LPA: variants seen among roughly 807,000 people sequenced by gnomAD.
The protein encoded by LPA is apolipoprotein(a).
LPA carries 199 observed loss-of-function variants against 197.9 expected under a neutral mutation model. That is an observed-to-expected ratio of 1.01 (90% CI 0.90 to 1.13). The LOEUF is 1.13. Ranked by LOEUF, LPA falls within the 50% of genes most tolerant of loss-of-function variation. The pLI is 0.00. For missense variants in LPA, 1,853 were observed against 1,785.8 expected (o/e 1.04, Z -0.68); for synonymous variants, 715 against 639.5 (o/e 1.12, Z -1.78).
intron 28 of LPA, among the ~76,000 whole-genome samples, chr6:160,567,733 T>G (rs1193741055): frequency 6.6e-6 from 1 of 151,916 alleles, no homozygotes; most frequent in Non-Finnish European, 1.5e-5. Context: ...ATCAACAAAA[T>G]TGATAGACCA....
At position 160,531,628 on chromosome 6, in the gene LPA, G is replaced by A; in HGVS notation, c.*101C>T. 1 of 1,495,190 alleles carries A rather than the reference G, an allele frequency of 6.7e-7. No homozygotes were observed. Among genetic ancestry groups the A allele is most frequent in the Non-Finnish European group, 9.3e-7 (1 of 1,074,334 alleles). 92.6% of individuals were successfully genotyped at this position (1,495,190 alleles called of 1,614,324 possible). A position where few individuals can be genotyped will look rare whatever the true frequency, so the allele number is the denominator to read the frequency against. On this transcript the variant is annotated 3_prime_UTR_variant, in exon 39 of 39. Coordinates refer to ENST00000316300, the MANE Select transcript of LPA (RefSeq NM_005577.4). ...TTGGCATAGCTGGTAGCTGGGAACA[G>A]TGTCTTCGTTTGATTGCTGTCTATT...
At chr6:160,547,761 A>G (rs1778095842) in intron 32 of LPA, 28 bp downstream of exon 32, 1 of 1,613,282 alleles carries the variant, frequency 6.2e-7, no homozygotes, top group Admixed American at 1.7e-5. Context: ...CAGCAAAGGG[A>G]AAAAGAGTCC....
intron 26 of LPA, among the ~76,000 whole-genome samples, chr6:160,579,213 A>G (rs908899189): frequency 6.6e-6 from 1 of 152,126 alleles, no homozygotes; most frequent in Non-Finnish European, 1.5e-5. Context: ...CAGCCCCCTT[A>G]CTCTATTTAC....
intron 31 of LPA, 141 bp downstream of exon 31, chr6:160,548,337 T>C (rs1562317318): frequency 1.6e-5 from 14 of 856,972 alleles, no homozygotes; most frequent in Non-Finnish European, 2.0e-5. Context: ...TCCTTGGTCA[T>C]GGCAGAACCT....
chr6:160,651,393 G>A (rs1481977421), intron 1 of LPA, among the ~76,000 whole-genome samples: 5 of 152,146 alleles, frequency 3.3e-5, no homozygotes, highest in Admixed American at 3.3e-4. Flanking sequence ...CCACACCCCA[G>A]GCCCCACTCT....
chr6:160,555,164 T>A (rs1162256032), intron 30 of LPA, among the ~76,000 whole-genome samples: 1 of 151,128 alleles, frequency 6.6e-6, no homozygotes, highest in Non-Finnish European at 1.5e-5. Flanking sequence ...TTGCTCTTCC[T>A]CTCCTGGCAA....
chr6:160,567,641 G>T (rs999485507), intron 28 of LPA, among the ~76,000 whole-genome samples: 2 of 152,064 alleles, frequency 1.3e-5, no homozygotes, highest in South Asian at 4.2e-4. Flanking sequence ...AAATAACTAA[G>T]ACCAGAGCAG....
intron 1 of LPA, among the ~76,000 whole-genome samples, chr6:160,659,025 C>A (rs1780177993): frequency 6.6e-6 from 1 of 151,936 alleles, no homozygotes; most frequent in South Asian, 2.1e-4. Flanking sequence ...TTACAAGGTC[C>A]CATAATAGGC....
chr6:160,558,065 G>A (rs560694853), intron 28 of LPA, among the ~76,000 whole-genome samples: 45 of 152,002 alleles, frequency 3.0e-4, no homozygotes, highest in African/African-American at 1.0e-3. Flanking sequence ...GACTACAGGC[G>A]CCCGCCACCA....
chr6:160,649,983 A>C (rs1374092975), intron 2 of LPA, among the ~76,000 whole-genome samples: 2 of 152,206 alleles, frequency 1.3e-5, no homozygotes, highest in Non-Finnish European at 2.9e-5. Context: ...AGGCCAACAC[A>C]ACCTTCACTT....
At chr6:160,597,199 T>C (rs1336711639) in intron 20 of LPA, among the ~76,000 whole-genome samples, 1 of 152,192 alleles carries the variant, frequency 6.6e-6, no homozygotes, top group Non-Finnish European at 1.5e-5. Flanking sequence ...ACAAAGATAC[T>C]ATGTCTAATT....
At chr6:160,599,754 G>A (rs1779203077) in intron 19 of LPA, 95 bp from the exon 20 acceptor site, 7 of 1,342,772 alleles carry the variant, frequency 5.2e-6, no homozygotes, top group Admixed American at 3.5e-5. Flanking sequence ...GAGTCACTGA[G>A]ATTTACAACC....
chr6:160,532,914 T>G (rs1777828958), intron 37 of LPA, among the ~76,000 whole-genome samples: 2 of 152,248 alleles, frequency 1.3e-5, no homozygotes, highest in South Asian at 4.1e-4. Context: ...TTTTTGCTTT[T>G]CTTTTGAAGC....
intron 22 of LPA, 39 bp downstream of exon 22, chr6:160,593,919 G>A (rs755560331): frequency 1.2e-6 from 2 of 1,610,688 alleles, no homozygotes; most frequent in African/African-American, 1.3e-5. Flanking sequence ...AAATGTAAGG[G>A]GGCTGCTGTC....
intron 2 of LPA, among the ~76,000 whole-genome samples, chr6:160,647,237 G>A (rs529769421): frequency 1.7e-4 from 26 of 152,314 alleles, no homozygotes; most frequent in African/African-American, 6.3e-4. Flanking sequence ...GATCTGAAGA[G>A]GTCGGACAGC....
chr6:160,546,817 A>G (rs1778079262), intron 32 of LPA, among the ~76,000 whole-genome samples: 1 of 152,182 alleles, frequency 6.6e-6, no homozygotes, highest in Non-Finnish European at 1.5e-5. Context: ...GAACACAGAC[A>G]CTTTGGTTTT....
chr6:160,556,138 A>T lies in LPA; in HGVS notation c.4860T>A (p.Asn1620Lys). Residue 1620 changes from asparagine to lysine, a missense_variant, in exon 30 of 39, where the codon AAT (asparagine) becomes AAA (lysine). Physicochemically the swap from Asn to Lys is moderately conservative, Grantham distance 94 (BLOSUM62 0). Around this residue, in one of 3 missense-constraint regions of LPA, gnomAD observed 1,737 missense variants for 1,504.4 expected, o/e 1.15. Transcript: ENST00000316300. ...AGAATGTGCCTCGATAACTCTGGCC[A>T]TTACCATGGTAGCACTGCCGGACCA... The part of the protein sequence containing the change: ...TPVVRQCYHG[N>K]GQSYRGTFST... 6.2e-7 allele frequency: 1 copy of T among 1,614,026 alleles called. No homozygotes were observed. The highest frequency in any genetic ancestry group is 8.5e-7 in the Non-Finnish European group (1 of 1,179,988).
At chr6:160,578,344 C>T (rs952105973) in intron 27 of LPA, among the ~76,000 whole-genome samples, 179 bp downstream of exon 27, 2 of 152,052 alleles carry the variant, frequency 1.3e-5, no homozygotes, top group African/African-American at 2.4e-5. Context: ...AAAGACACTG[C>T]CTCCTCACAG....
chr6:160,597,895 T>C (rs1042134111), intron 20 of LPA, among the ~76,000 whole-genome samples: 4 of 152,226 alleles, frequency 2.6e-5, no homozygotes, highest in African/African-American at 9.6e-5. Context: ...GCAACTTAAC[T>C]TTGTTGTTCA....
Sources: allele counts gnomAD v4.1 joint callset (sites outside exome capture counted in the v4.1 genomes callset), GRCh38; gene constraint gnomAD v4.1.1; regional missense constraint gnomAD v4.1.1; transcripts MANE v1.5; gene names NCBI Gene and HGNC (gene_info 2026-07-23, HGNC 2026-07-21).